The following LRP1B variants were observed in gnomAD, a reference collection of about 807,000 sequenced individuals.
LRP1B encodes LDL receptor related protein 1B, also known as low-density lipoprotein receptor-related protein 1B.
A neutral mutation model predicts 556.6 loss-of-function variants in LRP1B; 217 were observed. That is an observed-to-expected ratio of 0.39 (90% CI 0.35 to 0.44). The LOEUF (loss-of-function observed/expected upper bound fraction) is 0.44, where lower values mean the gene tolerates loss of function less well. Among genes scored for constraint, LRP1B ranks in the 20% least tolerant of loss-of-function variants. LRP1B has a pLI of 1.00. For missense variants in LRP1B, 5,053 were observed against 5,620.8 expected (o/e 0.90, Z 3.23); for synonymous variants, 2,047 against 1,865.8 (o/e 1.10, Z -2.50).
intron 35 of LRP1B, among the ~76,000 whole-genome samples, chr2:140,723,006 G>A (rs61126784): frequency 0.025 from 3,880 of 152,202 alleles, 163 homozygotes; most frequent in African/African-American, 0.087. Context: ...TCGCGCCACT[G>A]CACTCCAGCC....
rs779994691 is a variant in LRP1B at position 141,304,858 on chromosome 2, G to A, written c.344-50217C>T. Reference sequence around the variant, plus strand: ...TTTCCCAGCACTATTTATTCAAAAGGGTATCTTTCCTTGATGTTTCTTCTT... The same window carrying A: ...TTTCCCAGCACTATTTATTCAAAAGAGTATCTTTCCTTGATGTTTCTTCTT... On this transcript the variant is annotated intron_variant, in intron 3 of 90. Coordinates refer to ENST00000389484, the MANE Select transcript of LRP1B (RefSeq NM_018557.3). Among the ~76,000 whole-genome samples, 4 of 151,876 alleles carry A rather than the reference G, an allele frequency of 2.6e-5. No homozygotes were observed. The East Asian group carries it at 7.7e-4, about 29-fold the overall frequency.
At chr2:140,512,118 G>T (rs1019384208) in intron 51 of LRP1B, among the ~76,000 whole-genome samples, 20 of 152,144 alleles carry the variant, frequency 1.3e-4, no homozygotes, top group African/African-American at 4.8e-4. Flanking sequence ...AATAGAAAGA[G>T]CCCCGATTTG....
At chr2:140,245,442 A>T (rs1375939684) in intron 87 of LRP1B, among the ~76,000 whole-genome samples, 4 of 151,546 alleles carry the variant, frequency 2.6e-5, no homozygotes, top group African/African-American at 9.6e-5. Context: ...TCAGAGTTTT[A>T]AAAAATTTTT....
chr2:140,694,240 T>C (rs1301939922), intron 41 of LRP1B, among the ~76,000 whole-genome samples: 1 of 152,222 alleles, frequency 6.6e-6, no homozygotes, highest in Non-Finnish European at 1.5e-5. Flanking sequence ...TAGTTTAAGT[T>C]TGAAGCTGTT....
At chr2:141,817,276 C>A (rs899818159) in intron 1 of LRP1B, among the ~76,000 whole-genome samples, 5 of 152,010 alleles carry the variant, frequency 3.3e-5, no homozygotes, top group African/African-American at 1.2e-4. Context: ...AATGTGAAGG[C>A]GGTTTCACTT....
At chr2:141,930,758 C>A (rs1700477536) in intron 1 of LRP1B, among the ~76,000 whole-genome samples, 2 of 151,992 alleles carry the variant, frequency 1.3e-5, no homozygotes, top group Admixed American at 1.3e-4. Flanking sequence ...AAGCAAAAGA[C>A]TGAATAATTT....
chr2:141,844,671 C>CCT (rs2105765017), intron 1 of LRP1B, among the ~76,000 whole-genome samples: 1 of 152,108 alleles, frequency 6.6e-6, no homozygotes, highest in South Asian at 2.1e-4. Flanking sequence ...TCCACTGAAA[C>CCT]CTCTTTGTCT....
chr2:141,202,864 C>T (rs183740555), intron 6 of LRP1B, among the ~76,000 whole-genome samples: 88 of 152,118 alleles, frequency 5.8e-4, no homozygotes, highest in African/African-American at 1.9e-3. Context: ...TTTTTCCTAA[C>T]GTTATTGCTC....
chr2:141,487,233 G>C (rs1459905032), intron 2 of LRP1B, among the ~76,000 whole-genome samples: 1 of 152,022 alleles, frequency 6.6e-6, no homozygotes, highest in Non-Finnish European at 1.5e-5. Context: ...ATTTGCTCAT[G>C]ATTATTATTT....
intron 11 of LRP1B, among the ~76,000 whole-genome samples, chr2:141,033,654 A>G (rs917486070): frequency 8.6e-5 from 13 of 152,020 alleles, no homozygotes; most frequent in African/African-American, 2.9e-4. Flanking sequence ...AGTAACTGCC[A>G]TGATGGAATT....
rs1433609801 is a variant in LRP1B, at chr2:142,115,522, A to G, written c.82+15126T>C. On this transcript the variant is annotated intron_variant, in intron 1 of 90. Coordinates refer to ENST00000389484, the MANE Select transcript of LRP1B (RefSeq NM_018557.3). ...ATAATATATATTATATATTACATAT[A>G]TAATATATATATTACATATGTAATA... Among the ~76,000 whole-genome samples the G allele has an allele frequency of 6.6e-4, 40 of 60,908 alleles. 3 individuals carry two copies. Among genetic ancestry groups the G allele is most frequent in the African/African-American group, 1.1e-3 (20 of 18,982 alleles). The allele number at this position is 60,908 out of a possible 152,430, so 40.0% of individuals were successfully genotyped here. A position where few individuals can be genotyped will look rare whatever the true frequency, so the allele number is the denominator to read the frequency against.
chr2:141,842,864 C>G (rs1473803397), intron 1 of LRP1B, among the ~76,000 whole-genome samples: 1 of 152,030 alleles, frequency 6.6e-6, no homozygotes, highest in African/African-American at 2.4e-5. Flanking sequence ...TCTGATCAGT[C>G]GTATTGATCA....
At position 141,131,302 on chromosome 2, in the gene LRP1B, G is replaced by C. The variant is rs115657415; in HGVS notation, c.1013+57119C>G. ...TGTAAAATCTTTGTACATACAAAACGGACTGATCTTTAAGATACATTCTAC... is the reference window on the plus strand; with the variant it reads ...TGTAAAATCTTTGTACATACAAAACCGACTGATCTTTAAGATACATTCTAC... On this transcript the variant is annotated intron_variant, in intron 7 of 90. Transcript: ENST00000389484. Among the ~76,000 whole-genome samples, 21 of 150,452 alleles carry C rather than the reference G, an allele frequency of 1.4e-4. No homozygotes were observed. In the South Asian group the frequency reaches 4.4e-3, roughly 32 times the overall value.
intron 2 of LRP1B, among the ~76,000 whole-genome samples, chr2:141,610,323 A>ATT (rs143503631): frequency 2.4e-4 from 30 of 122,658 alleles, no homozygotes; most frequent in South Asian, 1.5e-3. Flanking sequence ...CTTAAAGTAT[A>ATT]ATAATAATAA....
chr2:140,743,122 A>T (rs995411382), intron 35 of LRP1B, among the ~76,000 whole-genome samples: 20 of 152,206 alleles, frequency 1.3e-4, no homozygotes, highest in African/African-American at 4.8e-4. Flanking sequence ...TATGCATTTG[A>T]TACTTTTAAA....
At chr2:140,947,386 T>A (rs1260434873) in intron 20 of LRP1B, among the ~76,000 whole-genome samples, 1 of 152,200 alleles carries the variant, frequency 6.6e-6, no homozygotes, top group Non-Finnish European at 1.5e-5. Context: ...GCTCTGCTTA[T>A]CCATGCAGTG....
intron 11 of LRP1B, among the ~76,000 whole-genome samples, chr2:141,021,237 T>C (rs1698055912): frequency 6.6e-6 from 1 of 152,022 alleles, no homozygotes; most frequent in Non-Finnish European, 1.5e-5. Context: ...TTTACTATTA[T>C]CATGTTGTTT....
intron 41 of LRP1B, among the ~76,000 whole-genome samples, chr2:140,664,504 A>G (rs546833012): frequency 6.6e-6 from 1 of 152,302 alleles, no homozygotes; most frequent in South Asian, 2.1e-4. Flanking sequence ...AAATCAATGG[A>G]AAATAATTTA....
At chr2:140,828,361 G>C (rs1300511502) in intron 31 of LRP1B, among the ~76,000 whole-genome samples, 1 of 151,684 alleles carries the variant, frequency 6.6e-6, no homozygotes, top group Non-Finnish European at 1.5e-5. Flanking sequence ...TGTAATCCCA[G>C]CACTTTGGGA....
Sources: gnomAD v4.1 joint callset for allele counts (sites outside exome capture counted in the v4.1 genomes callset) on GRCh38, gnomAD v4.1.1 for gene constraint, MANE v1.5 for transcripts, NCBI Gene and HGNC (gene_info 2026-07-23, HGNC 2026-07-21) for gene names.